Variants in TNFSF10 observed in about 807,000 individuals in gnomAD.
TNFSF10 encodes the protein tumor necrosis factor ligand superfamily member 10.
In TNFSF10, 13 loss-of-function variants were observed where a neutral mutation model predicts 29.5. That is an observed-to-expected ratio of 0.44 (90% CI 0.29 to 0.70). The LOEUF is 0.70. TNFSF10 is among the 30% of genes least tolerant of loss of function. The probability of loss-of-function intolerance (pLI) is 0.13; values close to 1 mark genes in which losing one functional copy is unlikely to be tolerated. For synonymous variants in TNFSF10, 111 were observed against 112.8 expected (o/e 0.98, Z 0.10); for missense variants, 345 against 330.9 (o/e 1.04, Z -0.33).
intron 3 of TNFSF10, 106 bp from the exon 4 acceptor site, chr3:172,509,427 C>A: frequency 1.4e-6 from 1 of 708,148 alleles, no homozygotes; most frequent in South Asian, 2.4e-5. Context: ...TACTGGGCTT[C>A]CAAAGTTGAT....
At chr3:172,513,989 C>T (rs567481813) in intron 2 of TNFSF10, among the ~76,000 whole-genome samples, 1 of 152,182 alleles carries the variant, frequency 6.6e-6, no homozygotes, top group African/African-American at 2.4e-5. Flanking sequence ...CAGGCACACA[C>T]CACCACACTT....
chr3:172,521,213 C>T (rs1260998506), intron 1 of TNFSF10, among the ~76,000 whole-genome samples: 1 of 152,150 alleles, frequency 6.6e-6, no homozygotes, highest in Non-Finnish European at 1.5e-5. Context: ...TCTAATTAAA[C>T]TAAAGAGCTT....
chr3:172,506,720 C>A lies in TNFSF10; in HGVS notation c.618G>T (p.Met206Ile), dbSNP rs1342358767. Residue 206 changes from methionine to isoleucine, a missense_variant, in exon 5 of 5, where the codon ATG (methionine) becomes ATT (isoleucine). Coordinates refer to ENST00000241261, the MANE Select transcript of TNFSF10 (RefSeq NM_003810.4). ...TTGTGTATTTGTAAATATATTGGAC[C>A]ATTTGTTTGTCGTTCTTTGTGTTTT... Reference protein sequence around the residue: ...IKENTKNDKQMVQYIYKYTSY... With the variant: ...IKENTKNDKQIVQYIYKYTSY... 3.7e-6 allele frequency: 6 copies of A among 1,613,946 alleles called. No homozygotes were observed. Among genetic ancestry groups the A allele is most frequent in the Middle Eastern group, 1.6e-4 (1 of 6,084 alleles).
At chr3:172,508,398 T>C (rs1713083078) in intron 4 of TNFSF10, among the ~76,000 whole-genome samples, 1 of 152,154 alleles carries the variant, frequency 6.6e-6, no homozygotes, top group Non-Finnish European at 1.5e-5. Context: ...ACATATATGG[T>C]TAAACTATAT....
At chr3:172,511,713 T>C (rs1229504355) in intron 2 of TNFSF10, 54 bp from the exon 3 acceptor site, 3 of 1,475,184 alleles carry the variant, frequency 2.0e-6, no homozygotes, top group Non-Finnish European at 9.3e-7. Flanking sequence ...TTAAACTGAC[T>C]ATAGAATGCC....
At chr3:172,516,753 T>A (rs1317793789) in intron 1 of TNFSF10, among the ~76,000 whole-genome samples, 1 of 152,174 alleles carries the variant, frequency 6.6e-6, no homozygotes, top group African/African-American at 2.4e-5. Context: ...CCTGTAAACA[T>A]CCAGTTGCAC....
intron 2 of TNFSF10, 143 bp from the exon 3 acceptor site, chr3:172,511,802 TAGGGTC>T: frequency 1.5e-6 from 1 of 652,178 alleles, no homozygotes; most frequent in Non-Finnish European, 2.6e-6. Context: ...TGGTCAAGCA[TAGGGTC>T]TGTAAGGGGT....
At chr3:172,509,551 T>C (rs1577010268) in intron 3 of TNFSF10, among the ~76,000 whole-genome samples, 1 of 152,226 alleles carries the variant, frequency 6.6e-6, no homozygotes, top group African/African-American at 2.4e-5. Flanking sequence ...TGGATTATAA[T>C]TTATTAGTGT....
intron 4 of TNFSF10, 21 bp from the exon 5 acceptor site, chr3:172,506,940 A>G: frequency 1.3e-6 from 2 of 1,551,802 alleles, no homozygotes; most frequent in Non-Finnish European, 1.7e-6. Context: ...TTTAGAGAGA[A>G]AGAGCGTTAA....
At chr3:172,511,538 G>A (rs1713224770) in intron 3 of TNFSF10, 79 bp downstream of exon 3, 2 of 1,200,502 alleles carry the variant, frequency 1.7e-6, no homozygotes, top group Non-Finnish European at 2.4e-6. Context: ...AGAACACAGA[G>A]AAGGAGAATG....
chr3:172,506,060 T>C lies in TNFSF10; in HGVS notation c.*432A>G, dbSNP rs1712969183. The C allele has an allele frequency of 6.4e-6, 1 of 155,392 alleles. No individual in the cohort carries two copies. The highest frequency in any genetic ancestry group is 6.4e-5 in the Admixed American group (1 of 15,554). 9.6% of individuals were successfully genotyped at this position (155,392 alleles called of 1,614,324 possible). On this transcript the variant is annotated 3_prime_UTR_variant, in exon 5 of 5. Transcript: ENST00000241261. Reference sequence around the variant, plus strand: ...TTTTAGTGGTGCCTCTTCTCTCTTTTGACTTAAGGATGTTGTCCCTTAAGG... The same window carrying C: ...TTTTAGTGGTGCCTCTTCTCTCTTTCGACTTAAGGATGTTGTCCCTTAAGG...
chr3:172,514,627 G>A (rs1026640552), intron 2 of TNFSF10, among the ~76,000 whole-genome samples: 8 of 152,138 alleles, frequency 5.3e-5, no homozygotes, highest in Non-Finnish European at 8.8e-5. Context: ...GAGGCTGTCC[G>A]GGGCAGAGGA....
intron 1 of TNFSF10, chr3:172,518,080 G>T (rs905797490): frequency 4.5e-5 from 45 of 1,004,430 alleles, no homozygotes; most frequent in Non-Finnish European, 1.3e-5. Context: ...CGTCTCCCCC[G>T]CCTCCTCCCA....
rs139555347 is a variant in TNFSF10, at chr3:172,523,171, G to A, written c.132+82C>T. On this transcript the variant is annotated intron_variant, in intron 1 of 4. Transcript: ENST00000241261. ...AAGGAAGCAGGAAAGTCTTCAGAGA[G>A]GGGCAAGCTGACATGCAAAGAAGCA... 147 of 1,467,426 alleles carry A rather than the reference G, an allele frequency of 1.0e-4. No individual in the cohort carries two copies. In the African/African-American group the frequency reaches 1.6e-3, roughly 16 times the overall value. The allele number at this position is 1,467,426 out of a possible 1,614,324, so 90.9% of individuals were successfully genotyped here.
chr3:172,516,785 C>A (rs959775716), intron 1 of TNFSF10, among the ~76,000 whole-genome samples: 4 of 152,148 alleles, frequency 2.6e-5, no homozygotes, highest in Non-Finnish European at 5.9e-5. Context: ...TTGGGAGATG[C>A]AAAACCTTTC....
In TNFSF10 at chr3:172,506,773, A is replaced by C. The variant is rs553535563; in HGVS notation, c.565T>G (p.Tyr189Asp). The C allele has an allele frequency of 5.6e-6, 9 of 1,614,174 alleles. No individual in the cohort carries two copies. The South Asian group carries it at 8.8e-5, about 16-fold the overall frequency. ...KGFYYIYSQT[Y>D]FRFQEEIKEN... ...TTTATTTCCTCCTGAAATCGAAAGT[A>C]TGTTTGGGAATAGATGTAGTAAAAC... is the stretch of plus-strand genomic sequence containing the variant. The change falls in exon 5 of 5, where the codon TAC becomes GAC. Residue 189 changes from tyrosine to aspartate, a missense_variant. Tyr to Asp is a radical substitution (Grantham distance 160). Coordinates refer to ENST00000241261, the MANE Select transcript of TNFSF10 (RefSeq NM_003810.4).
At chr3:172,522,521 A>G (rs3136587) in intron 1 of TNFSF10, 148,413 of 738,682 alleles carry the variant, frequency 0.2, 18,648 homozygotes, top group East Asian at 0.52. Context: ...ACTCAAAAGG[A>G]AAACTGAACC....
At chr3:172,516,909 G>A (rs1713459993) in intron 1 of TNFSF10, among the ~76,000 whole-genome samples, 1 of 152,216 alleles carries the variant, frequency 6.6e-6, no homozygotes, top group African/African-American at 2.4e-5. Context: ...CAAGGCCCGA[G>A]GGTGGTTCCA....
chr3:172,523,246 C>T lies in TNFSF10; in HGVS notation c.132+7G>A. On this transcript the variant is annotated splice_region_variant and intron_variant, in intron 1 of 4. Transcript: ENST00000241261. Reference sequence around the variant, plus strand: ...CTCGAAGACTGAGTGCACTGCACTGCACTGACCTGCTTCAGCTCGTTGGTA... The same window carrying T: ...CTCGAAGACTGAGTGCACTGCACTGTACTGACCTGCTTCAGCTCGTTGGTA... The T allele has an allele frequency of 6.2e-7, 1 of 1,613,092 alleles. No homozygotes were observed. Among genetic ancestry groups the T allele is most frequent in the South Asian group, 1.1e-5 (1 of 90,986 alleles).
Sources: allele counts gnomAD v4.1 joint callset (sites outside exome capture counted in the v4.1 genomes callset), GRCh38; gene constraint gnomAD v4.1.1; transcripts MANE v1.5; gene names NCBI Gene and HGNC (gene_info 2026-07-23, HGNC 2026-07-21).